The following TMEM232 variants were observed in gnomAD, a reference collection of about 807,000 sequenced individuals.
The protein encoded by TMEM232 is transmembrane protein 232.
TMEM232 carries 80 observed loss-of-function variants against 78.8 expected under a neutral mutation model. The ratio of observed to expected loss-of-function variants is 1.01; its 90% CI spans 0.85 to 1.22. TMEM232 has a LOEUF of 1.22. Among genes scored for constraint, TMEM232 ranks in the 50% most tolerant of loss-of-function variants. The probability of loss-of-function intolerance (pLI) is 0.00; values close to 1 mark genes in which losing one functional copy is unlikely to be tolerated. For missense variants in TMEM232, 881 were observed against 742.2 expected, an observed-to-expected ratio of 1.19 and a Z score of -2.17; for synonymous variants, 297 against 254.3, an observed-to-expected ratio of 1.17 and a Z score of -1.60.
intron 1 of TMEM232, among the ~76,000 whole-genome samples, chr5:110,685,912 G>A (rs1376886128): frequency 6.6e-6 from 1 of 152,082 alleles, no homozygotes; most frequent in Non-Finnish European, 1.5e-5. Context: ...CATACTATGT[G>A]ATTTCATATA....
At chr5:110,584,964 T>C (rs1474808847) in intron 10 of TMEM232, among the ~76,000 whole-genome samples, 3 of 152,142 alleles carry the variant, frequency 2.0e-5, no homozygotes, top group East Asian at 1.9e-4. Context: ...ATAAATACTT[T>C]GGAAACATTG....
At chr5:110,425,478 G>T (rs916010832) in intron 12 of TMEM232, among the ~76,000 whole-genome samples, 25 of 152,106 alleles carry the variant, frequency 1.6e-4, no homozygotes, top group Middle Eastern at 3.4e-3. Context: ...GGGAAAGTGG[G>T]GGTAAAGGAG....
chr5:110,701,179 A>G (rs1422152849), intron 1 of TMEM232, among the ~76,000 whole-genome samples: 1 of 151,978 alleles, frequency 6.6e-6, no homozygotes, highest in African/African-American at 2.4e-5. Flanking sequence ...TTTGAATCAG[A>G]TTAAAATTAA....
chr5:110,696,355 G>A (rs1247287988), intron 1 of TMEM232, among the ~76,000 whole-genome samples: 2 of 152,144 alleles, frequency 1.3e-5, no homozygotes, highest in Admixed American at 6.5e-5. Context: ...CATACTGAAT[G>A]GACAAAAACT....
downstream of TMEM232, chr5:110,417,737 C>T (rs1340415136): frequency 6.6e-6 from 1 of 151,138 alleles, no homozygotes; most frequent in African/African-American, 2.4e-5. Context: ...CCTTCTAAGC[C>T]ATACAATGTT....
intron 2 of TMEM232, among the ~76,000 whole-genome samples, chr5:110,399,625 G>T (rs1755520018): frequency 6.6e-6 from 1 of 151,822 alleles, no homozygotes; most frequent in Non-Finnish European, 1.5e-5. Context: ...CCTTACCCTT[G>T]TCCTGGGATT....
intron 2 of TMEM232, among the ~76,000 whole-genome samples, chr5:110,734,585 A>G (rs1035782868): frequency 6.6e-6 from 1 of 152,218 alleles, no homozygotes; most frequent in African/African-American, 2.4e-5. Context: ...ATAGCCTATC[A>G]AGTAGAAAAA....
intron 12 of TMEM232, among the ~76,000 whole-genome samples, chr5:110,466,898 TTG>T (rs36031837): frequency 0.23 from 35,003 of 149,502 alleles, 5,809 homozygotes; most frequent in African/African-American, 0.46. Flanking sequence ...ACTATAGTAT[TTG>T]TGTGTGTGTG....
At chr5:110,516,417 T>C (rs891310990) in intron 12 of TMEM232, among the ~76,000 whole-genome samples, 1 of 152,076 alleles carries the variant, frequency 6.6e-6, no homozygotes, top group African/African-American at 2.4e-5. Flanking sequence ...AGTATAGATG[T>C]GGGAATTGGG....
At chr5:110,602,449 AG>A (rs1781030617) in intron 10 of TMEM232, among the ~76,000 whole-genome samples, 1 of 151,586 alleles carries the variant, frequency 6.6e-6, no homozygotes, top group South Asian at 2.1e-4. Context: ...CAAATTTACA[AG>A]AAAAAAAAAC....
intron 12 of TMEM232, among the ~76,000 whole-genome samples, chr5:110,432,361 A>G (rs1016729366): frequency 1.3e-5 from 2 of 151,750 alleles, no homozygotes; most frequent in Non-Finnish European, 3.0e-5. Flanking sequence ...ATGCCAGTAA[A>G]GAATTTCAAA....
At chr5:110,672,852 C>A (rs1302544299) in intron 1 of TMEM232, among the ~76,000 whole-genome samples, 8 of 151,964 alleles carry the variant, frequency 5.3e-5, no homozygotes, top group Non-Finnish European at 1.0e-4. Flanking sequence ...ATTATTATTG[C>A]ATGTACAATA....
chr5:110,392,752 T>A (rs926556146), intron 3 of TMEM232, among the ~76,000 whole-genome samples: 2 of 152,180 alleles, frequency 1.3e-5, no homozygotes, highest in African/African-American at 2.4e-5. Flanking sequence ...GGGTTAGGGA[T>A]TCAAAATATG....
chr5:110,395,544 G>A (rs1053236816), intron 3 of TMEM232, among the ~76,000 whole-genome samples: 1 of 152,032 alleles, frequency 6.6e-6, no homozygotes, highest in Non-Finnish European at 1.5e-5. Context: ...CATGTTAGTT[G>A]GTACTCATCA....
chr5:110,421,867 G>A (rs1305876015), intron 13 of TMEM232, among the ~76,000 whole-genome samples: 1 of 152,118 alleles, frequency 6.6e-6, no homozygotes, highest in African/African-American at 2.4e-5. Flanking sequence ...ATTCCCAGGT[G>A]AGTTTTAACT....
At chr5:110,441,031 T>A (rs1389761110) in intron 12 of TMEM232, among the ~76,000 whole-genome samples, 1 of 152,132 alleles carries the variant, frequency 6.6e-6, no homozygotes, top group South Asian at 2.1e-4. Context: ...GGAAGGAAGA[T>A]GTGGAGAAGA....
At chr5:110,669,949 T>C (rs1055513825) in intron 1 of TMEM232, among the ~76,000 whole-genome samples, 2 of 152,148 alleles carry the variant, frequency 1.3e-5, no homozygotes, top group Non-Finnish European at 2.9e-5. Context: ...TGCTAAAAAC[T>C]CTCAATAAAT....
chr5:110,662,837 T>C (rs371941804), intron 2 of TMEM232, among the ~76,000 whole-genome samples: 3 of 152,034 alleles, frequency 2.0e-5, no homozygotes, highest in Non-Finnish European at 4.4e-5. Flanking sequence ...TCCACATAGA[T>C]TATAGACATG....
At chr5:110,563,562 C>G (rs75771726) in intron 11 of TMEM232, among the ~76,000 whole-genome samples, 4,784 of 151,766 alleles carry the variant, frequency 0.032, 103 homozygotes, top group African/African-American at 0.055. Flanking sequence ...GGTGACTATA[C>G]GCCATTTTCT....
Sources: allele counts gnomAD v4.1 joint callset (sites outside exome capture counted in the v4.1 genomes callset), GRCh38; gene constraint gnomAD v4.1.1; transcripts MANE v1.5; gene names NCBI Gene and HGNC (gene_info 2026-07-23, HGNC 2026-07-21).